JMJD1C: variants seen among roughly 807,000 people sequenced by gnomAD.
JMJD1C encodes jumonji domain containing 1C.
In JMJD1C, 31 loss-of-function variants were observed where a neutral mutation model predicts 245.3. The observed-to-expected ratio is 0.13, with a 90% CI of 0.09 to 0.17. The LOEUF is 0.17. JMJD1C is among the 10% of genes least tolerant of loss of function. The probability of loss-of-function intolerance (pLI) is 1.00; values close to 1 mark genes in which losing one functional copy is unlikely to be tolerated. For synonymous variants in JMJD1C, 1,057 were observed against 1,017.4 expected (o/e 1.04, Z -0.74); for missense variants, 2,691 against 3,000.2 (o/e 0.90, Z 2.41).
chr10:63,380,071 C>T (rs978069753), intron 2 of JMJD1C, among the ~76,000 whole-genome samples: 2 of 150,974 alleles, frequency 1.3e-5, no homozygotes, highest in African/African-American at 4.9e-5. Context: ...TCCCAAGTAG[C>T]TGGGACCACA....
chr10:63,428,426 T>C (rs566326090), intron 1 of JMJD1C, among the ~76,000 whole-genome samples: 3 of 152,362 alleles, frequency 2.0e-5, no homozygotes, highest in Middle Eastern at 3.4e-3. Context: ...AAACATTCAC[T>C]ACTTGAAATG....
chr10:63,265,324 G>C (rs1299024360), intron 2 of JMJD1C, among the ~76,000 whole-genome samples: 2 of 151,302 alleles, frequency 1.3e-5, no homozygotes, highest in East Asian at 1.9e-4. Flanking sequence ...GAGAAGCATG[G>C]AGGAAGGGAG....
chr10:63,392,867 A>AACAAACAC (rs1554918147), intron 1 of JMJD1C, among the ~76,000 whole-genome samples: 4 of 112,282 alleles, frequency 3.6e-5, no homozygotes, highest in Admixed American at 1.1e-4. Context: ...AAAGTACATA[A>AACAAACAC]ACACACACAC....
intron 8 of JMJD1C, 53 bp downstream of exon 8, chr10:63,213,420 T>G: frequency 1.0e-6 from 1 of 987,494 alleles, no homozygotes; most frequent in Non-Finnish European, 1.5e-6. Flanking sequence ...AAAAAGCACC[T>G]GTACATGTTC....
chr10:63,191,342 C>T (rs574287725), intron 16 of JMJD1C, among the ~76,000 whole-genome samples: 1 of 152,232 alleles, frequency 6.6e-6, no homozygotes, highest in East Asian at 1.9e-4. Flanking sequence ...TCATGTTGGT[C>T]AGGCTGGTCT....
At chr10:63,320,918 A>G (rs992172650) in intron 2 of JMJD1C, among the ~76,000 whole-genome samples, 1 of 152,222 alleles carries the variant, frequency 6.6e-6, no homozygotes, top group African/African-American at 2.4e-5. Flanking sequence ...AGAGAGTTGG[A>G]AAGTTCATAG....
intron 1 of JMJD1C, among the ~76,000 whole-genome samples, chr10:63,489,295 G>A (rs1350375223): frequency 1.3e-5 from 2 of 152,108 alleles, no homozygotes; most frequent in Non-Finnish European, 2.9e-5. Flanking sequence ...AGCTACTCAG[G>A]AGGCTAAGGC....
At position 63,264,609 on chromosome 10, in the gene JMJD1C, T is replaced by C. The variant is rs1309184171; in HGVS notation, c.447+42A>G. ...AGAATGTCTGAATATCAATAAAGTT[T>C]AATTAACCTTTAATTTTAAAAAGTA... On this transcript the variant is annotated intron_variant, in intron 3 of 25. Transcript: ENST00000399262. 4 of 851,312 alleles carry C rather than the reference T, an allele frequency of 4.7e-6. No homozygotes were observed. The Admixed American group carries it at 7.3e-5, about 16-fold the overall frequency. 52.7% of individuals were successfully genotyped at this position (851,312 alleles called of 1,614,324 possible).
chr10:63,278,336 A>G (rs954597956), intron 2 of JMJD1C, among the ~76,000 whole-genome samples: 2 of 122,272 alleles, frequency 1.6e-5, no homozygotes, highest in East Asian at 4.3e-4. Context: ...AAATACAACA[A>G]TTAAAAGAGA....
At chr10:63,253,509 G>A (rs1158215478) in intron 3 of JMJD1C, among the ~76,000 whole-genome samples, 1 of 151,554 alleles carries the variant, frequency 6.6e-6, no homozygotes, top group Non-Finnish European at 1.5e-5. Flanking sequence ...TCAGACTCCC[G>A]AGTAGCTGGG....
At chr10:63,303,826 TTAA>T (rs1239632025) in intron 2 of JMJD1C, among the ~76,000 whole-genome samples, 2 of 152,222 alleles carry the variant, frequency 1.3e-5, no homozygotes, top group African/African-American at 2.4e-5. Context: ...CAGAAAGCCA[TTAA>T]TAATAGCTTG....
intron 24 of JMJD1C, among the ~76,000 whole-genome samples, chr10:63,169,575 T>C (rs1422103735): frequency 6.6e-6 from 1 of 152,118 alleles, no homozygotes; most frequent in Non-Finnish European, 1.5e-5. Flanking sequence ...GTGATGGAAT[T>C]CCAGAGGGGC....
intron 1 of JMJD1C, among the ~76,000 whole-genome samples, chr10:63,402,466 C>T (rs1051777478): frequency 7.9e-5 from 12 of 152,136 alleles, no homozygotes; most frequent in African/African-American, 2.4e-4. Flanking sequence ...CTCATCTGAA[C>T]AGGATGTTTT....
At position 63,305,459 on chromosome 10, in the gene JMJD1C, C is replaced by CCTCTCTCTCTCTCTCT. The variant is rs371564275; in HGVS notation, c.334-40711_334-40696dup. On this transcript the variant is annotated intron_variant, in intron 2 of 25. Coordinates refer to ENST00000399262, the MANE Select transcript of JMJD1C (RefSeq NM_032776.3). Reference sequence around the variant, plus strand: ...GGATGACATGGCAAGACGCTCTGACCCTCTCTCTCTCTCTCTCTCTCTCTC... The same window carrying CCTCTCTCTCTCTCTCT: ...GGATGACATGGCAAGACGCTCTGACCCTCTCTCTCTCTCTCTCTCTCTCTCTCTCTCTCTCTCTCTC... Among the ~76,000 whole-genome samples, 47 of 113,086 alleles carry CCTCTCTCTCTCTCTCT rather than the reference C, an allele frequency of 4.2e-4. 1 individual carries two copies. Among genetic ancestry groups the CCTCTCTCTCTCTCTCT allele is most frequent in the African/African-American group, 1.3e-3 (37 of 29,520 alleles). 74.2% of individuals were successfully genotyped at this position (113,086 alleles called of 152,430 possible).
intron 2 of JMJD1C, among the ~76,000 whole-genome samples, chr10:63,333,799 C>T (rs1473233179): frequency 6.6e-6 from 1 of 152,110 alleles, no homozygotes; most frequent in Non-Finnish European, 1.5e-5. Context: ...TTGTCAGAGA[C>T]TTTTACAATC....
intron 1 of JMJD1C, among the ~76,000 whole-genome samples, chr10:63,418,301 T>C (rs945395082): frequency 2.6e-5 from 4 of 152,324 alleles, no homozygotes; most frequent in East Asian, 3.9e-4. Flanking sequence ...TACCATACTA[T>C]AGAATACTTA....
intron 2 of JMJD1C, among the ~76,000 whole-genome samples, chr10:63,341,934 G>A (rs946487536): frequency 1.3e-5 from 2 of 152,216 alleles, no homozygotes; most frequent in Admixed American, 6.5e-5. Flanking sequence ...TAATGATGCA[G>A]TTATGTGTGC....
rs773772219 is a variant in JMJD1C at position 63,186,379 on chromosome 10, G to A, written c.6575C>T (p.Ala2192Val). 5 of 1,599,926 alleles carry A rather than the reference G, an allele frequency of 3.1e-6. No homozygotes were observed. In the South Asian group the frequency reaches 5.7e-5, roughly 18 times the overall value. Reference protein sequence around the residue: ...FKECWKQGQPAVVSGVHKKMN... With the variant: ...FKECWKQGQPVVVSGVHKKMN... ...TTTCTTATGCACACCAGAAACCACT[G>A]CAGGCTTATAAATAGATAAATAAAT... is the stretch of plus-strand genomic sequence containing the variant. The change falls in exon 19 of 26, where the codon GCA becomes GTA. Residue 2192 changes from alanine (A) to valine (V), a missense_variant. Physicochemically the swap from Ala to Val is moderately conservative, Grantham distance 64 (BLOSUM62 0). Around this residue, in one of 9 missense-constraint regions of JMJD1C, gnomAD observed 232 missense variants for 416.1 expected, o/e 0.56. Transcript: ENST00000399262.
At chr10:63,209,569 A>G (rs1847078279) in intron 8 of JMJD1C, among the ~76,000 whole-genome samples, 1 of 152,224 alleles carries the variant, frequency 6.6e-6, no homozygotes, top group Admixed American at 6.5e-5. Flanking sequence ...TCTAACAGCA[A>G]AAGTATATTG....
Sources: allele counts gnomAD v4.1 joint callset (sites outside exome capture counted in the v4.1 genomes callset), GRCh38; gene constraint gnomAD v4.1.1; regional missense constraint gnomAD v4.1.1; transcripts MANE v1.5; gene names NCBI Gene and HGNC (gene_info 2026-07-23, HGNC 2026-07-21).